SNX13: variants seen among roughly 807,000 people sequenced by gnomAD.
The protein encoded by SNX13 is sorting nexin 13.
In SNX13, 45 loss-of-function variants were observed where a neutral mutation model predicts 133.6. That is an observed-to-expected ratio of 0.34 (90% CI 0.27 to 0.43). SNX13 has a LOEUF of 0.43. SNX13 is among the 20% of genes least tolerant of loss of function. The pLI, the probability that SNX13 is intolerant of heterozygous loss-of-function variation, is 1.00. For synonymous variants in SNX13, 414 were observed against 373.9 expected (o/e 1.11, Z -1.24); for missense variants, 1,032 against 1,145.1 (o/e 0.90, Z 1.43).
At chr7:17,937,818 G>T (rs1215182610) in intron 1 of SNX13, among the ~76,000 whole-genome samples, 2 of 152,044 alleles carry the variant, frequency 1.3e-5, no homozygotes, top group African/African-American at 4.8e-5. Context: ...TTTTATCATT[G>T]GTTAATGGGG....
chr7:17,803,497 C>T lies in SNX13; in HGVS notation c.2148G>A (p.Glu716=), dbSNP rs754656391. Residue 716 remains glutamate (E), a synonymous_variant, in exon 21 of 26, where the codon GAG becomes GAA. Transcript: ENST00000428135. ...TGTTGTCTGACATTTTAGTCATTCCCTCTGCCAAGCTATCAGGAAGGGATT... is the reference window on the plus strand; with the variant it reads ...TGTTGTCTGACATTTTAGTCATTCCTTCTGCCAAGCTATCAGGAAGGGATT... ...AVKSLPDSLA[E]GMTKMSDNMG... is the part of the protein sequence containing the mutation. 6.2e-7 allele frequency: 1 copy of T among 1,612,304 alleles called. No individual in the cohort carries two copies. The highest frequency in any genetic ancestry group is 2.2e-5 in the East Asian group (1 of 44,796).
chr7:17,912,465 C>T (rs915829857), intron 1 of SNX13, among the ~76,000 whole-genome samples: 8 of 151,740 alleles, frequency 5.3e-5, no homozygotes, highest in Non-Finnish European at 7.4e-5. Context: ...GTTGGAGTGC[C>T]GTGGCATGAT....
In SNX13 at chr7:17,926,087, T is replaced by C. The variant is rs534526433; in HGVS notation, c.12+14197A>G. 1.2e-4 allele frequency among the ~76,000 whole-genome samples: 18 copies of C among 152,156 alleles called. No individual in the cohort carries two copies. In the South Asian group the frequency reaches 3.5e-3, roughly 30 times the overall value. ...AATTTACCTTAAAATAGTTGAGCTATAATAACAACAAAAATAACAGAGAAA... is the reference window on the plus strand; with the variant it reads ...AATTTACCTTAAAATAGTTGAGCTACAATAACAACAAAAATAACAGAGAAA... On this transcript the variant is annotated intron_variant, in intron 1 of 25. Coordinates refer to ENST00000428135, the MANE Select transcript of SNX13 (RefSeq NM_015132.5).
chr7:17,896,534 A>G (rs1388104843), intron 2 of SNX13, among the ~76,000 whole-genome samples: 1 of 152,174 alleles, frequency 6.6e-6, no homozygotes, highest in East Asian at 1.9e-4. Context: ...TATAGGCTCA[A>G]AAAACTCCTC....
At chr7:17,931,913 C>T (rs999245017) in intron 1 of SNX13, among the ~76,000 whole-genome samples, 1 of 152,192 alleles carries the variant, frequency 6.6e-6, no homozygotes, top group African/African-American at 2.4e-5. Context: ...CATAACAGTA[C>T]TCTGTCTCCA....
chr7:17,871,198 C>T (rs189865306), intron 8 of SNX13, among the ~76,000 whole-genome samples: 2 of 151,732 alleles, frequency 1.3e-5, no homozygotes, highest in Non-Finnish European at 1.5e-5. Flanking sequence ...GTAGAGACGG[C>T]GTTTCACCGT....
rs751215477 is a variant in SNX13, at chr7:17,830,097, T to C, written c.1598-50A>G. On this transcript the variant is annotated intron_variant, in intron 15 of 25. Transcript: ENST00000428135. ...TATACAGCAAAAAACTTTAAAACGG[T>C]TGCTTTATCTAAGGTTCAAACACTA... 2.2e-4 allele frequency: 311 copies of C among 1,435,896 alleles called. 2 individuals are homozygous for C. The highest frequency in any genetic ancestry group is 2.8e-6 in the Non-Finnish European group (3 of 1,071,816). The allele number at this position is 1,435,896 out of a possible 1,614,324, so 88.9% of individuals were successfully genotyped here.
intron 20 of SNX13, among the ~76,000 whole-genome samples, chr7:17,805,268 T>TGCGCGC (rs1554304462): frequency 1.4e-5 from 1 of 69,236 alleles, no homozygotes; most frequent in African/African-American, 4.3e-5. Flanking sequence ...CGCGCGCGCA[T>TGCGCGC]GCATGCACAT....
At chr7:17,888,211 T>C (rs1796230609) in intron 5 of SNX13, 1 of 152,332 alleles carries the variant, frequency 6.6e-6, no homozygotes, top group African/African-American at 2.4e-5. Flanking sequence ...CAAAGCAGCC[T>C]CTAAAGTAGT....
intron 9 of SNX13, among the ~76,000 whole-genome samples, chr7:17,862,585 G>A (rs2128338999): frequency 6.6e-6 from 1 of 152,048 alleles, no homozygotes; most frequent in African/African-American, 2.4e-5. Flanking sequence ...TCTTTTTCAT[G>A]CAAAAGATAT....
intron 4 of SNX13, 123 bp from the exon 5 acceptor site, chr7:17,890,607 T>C (rs896347633): frequency 2.2e-5 from 13 of 584,094 alleles, no homozygotes; most frequent in African/African-American, 2.1e-4. Context: ...TAATTTATGG[T>C]GGTAAATACC....
intron 12 of SNX13, among the ~76,000 whole-genome samples, chr7:17,844,779 C>G (rs1057503983): frequency 3.3e-5 from 5 of 150,374 alleles, no homozygotes; most frequent in Admixed American, 6.6e-5. Flanking sequence ...TACAGCACAA[C>G]AGAATGAAGG....
intron 1 of SNX13, among the ~76,000 whole-genome samples, chr7:17,910,477 G>A (rs576446897): frequency 2.0e-5 from 3 of 152,268 alleles, no homozygotes; most frequent in South Asian, 4.1e-4. Flanking sequence ...TATGTACAAT[G>A]GTGCTGCCAC....
At chr7:17,911,683 C>A (rs1390899317) in intron 1 of SNX13, among the ~76,000 whole-genome samples, 1 of 150,922 alleles carries the variant, frequency 6.6e-6, no homozygotes, top group Non-Finnish European at 1.5e-5. Flanking sequence ...CCCATAACGA[C>A]TTTACTTAAA....
At chr7:17,935,732 T>G (rs1273213190) in intron 1 of SNX13, among the ~76,000 whole-genome samples, 2 of 152,190 alleles carry the variant, frequency 1.3e-5, no homozygotes, top group South Asian at 4.1e-4. Context: ...TCATTTTAGA[T>G]ACTGATGTCC....
intron 9 of SNX13, among the ~76,000 whole-genome samples, chr7:17,857,486 C>G (rs1419303648): frequency 1.3e-5 from 2 of 152,088 alleles, no homozygotes; most frequent in Non-Finnish European, 2.9e-5. Context: ...AGATCCTCAA[C>G]AAAATACTAG....
At chr7:17,921,225 G>C (rs1231874281) in intron 1 of SNX13, among the ~76,000 whole-genome samples, 1 of 152,112 alleles carries the variant, frequency 6.6e-6, no homozygotes, top group Non-Finnish European at 1.5e-5. Context: ...CCAATTATTG[G>C]GCACTACAGG....
At chr7:17,810,061 T>C (rs910097286) in intron 20 of SNX13, among the ~76,000 whole-genome samples, 1 of 150,818 alleles carries the variant, frequency 6.6e-6, no homozygotes, top group Admixed American at 6.6e-5. Flanking sequence ...TTAAAAAAAC[T>C]AGAGAAGCAA....
At chr7:17,867,685 C>T (rs1364902618) in intron 9 of SNX13, among the ~76,000 whole-genome samples, 1 of 151,064 alleles carries the variant, frequency 6.6e-6, no homozygotes, top group African/African-American at 2.4e-5. Context: ...AATCAAAGAA[C>T]AATCAAGTAA....
Sources: allele counts gnomAD v4.1 joint callset (sites outside exome capture counted in the v4.1 genomes callset), GRCh38; gene constraint gnomAD v4.1.1; transcripts MANE v1.5; gene names NCBI Gene and HGNC (gene_info 2026-07-23, HGNC 2026-07-21).